RASGRF2: variants seen among roughly 807,000 people sequenced by gnomAD.
RASGRF2 encodes the protein ras-specific guanine nucleotide-releasing factor 2.
Under a neutral mutation model 151.0 loss-of-function variants are expected in RASGRF2, and 76 were observed. The observed-to-expected ratio is 0.50, with a 90% CI of 0.42 to 0.61. The LOEUF (loss-of-function observed/expected upper bound fraction) is 0.61. Ranked by LOEUF, RASGRF2 falls within the 20% of genes least tolerant of loss-of-function variation. The pLI is 0.00. For missense variants in RASGRF2, 1,148 were observed against 1,564.6 expected (o/e 0.73, Z 4.49); for synonymous variants, 504 against 566.5 (o/e 0.89, Z 1.57).
At chr5:81,142,971 T>C (rs1753919457) in intron 17 of RASGRF2, among the ~76,000 whole-genome samples, 1 of 152,058 alleles carries the variant, frequency 6.6e-6, no homozygotes, top group South Asian at 2.1e-4. Flanking sequence ...TGGCCTCCAG[T>C]GCATTTCTAG....
chr5:81,096,427 T>C (rs1752549966), intron 12 of RASGRF2: 2 of 152,248 alleles, frequency 1.3e-5, no homozygotes, highest in African/African-American at 2.4e-5. Context: ...GTACCAGGAA[T>C]ACGACCATGG....
chr5:81,201,056 C>T (rs1379208194), intron 18 of RASGRF2, among the ~76,000 whole-genome samples: 1 of 152,136 alleles, frequency 6.6e-6, no homozygotes, highest in African/African-American at 2.4e-5. Context: ...GGACCCTTCC[C>T]AATGGCTGTT....
intron 1 of RASGRF2, among the ~76,000 whole-genome samples, chr5:80,978,650 G>A (rs1479411031): frequency 2.0e-5 from 3 of 152,280 alleles, no homozygotes; most frequent in African/African-American, 7.2e-5. Context: ...AGCTGGGCGC[G>A]ATGGCGGGTG....
At position 81,225,838 on chromosome 5, in the gene RASGRF2, C is replaced by T; in HGVS notation, c.*68C>T. 5.2e-6 allele frequency: 8 copies of T among 1,540,368 alleles called. No individual in the cohort carries two copies. Among genetic ancestry groups the T allele is most frequent in the Non-Finnish European group, 6.2e-6 (7 of 1,135,404 alleles). On this transcript the variant is annotated 3_prime_UTR_variant, in exon 27 of 27. Transcript: ENST00000265080. Reference sequence around the variant, plus strand: ...GCAGGACAGACAGAATTGTGTATGCCTTGCCTATCACGGTACAGCACGAAG... The same window carrying T: ...GCAGGACAGACAGAATTGTGTATGCTTTGCCTATCACGGTACAGCACGAAG...
At chr5:81,123,000 T>C (rs1753349879) in intron 15 of RASGRF2, among the ~76,000 whole-genome samples, 2 of 152,198 alleles carry the variant, frequency 1.3e-5, no homozygotes, top group South Asian at 2.1e-4. Context: ...TCTGGGAGGA[T>C]AGAAATACTG....
At chr5:81,038,969 G>T (rs184209524) in intron 1 of RASGRF2, among the ~76,000 whole-genome samples, 1 of 152,016 alleles carries the variant, frequency 6.6e-6, no homozygotes, top group Admixed American at 6.6e-5. Context: ...GGTATCATTT[G>T]TTGTATAAAA....
Position 81,026,630 on chromosome 5 carries a change from A to G in RASGRF2, c.289-16247A>G, listed in dbSNP as rs568175547. On this transcript the variant is annotated intron_variant, in intron 1 of 26. Transcript: ENST00000265080. The stretch of plus-strand genomic sequence containing the variant: ...GAAATGGTAAAGTAACTGTTGGATA[A>G]GCCTGCAATTCCAGTCAACTTCATT... Among the ~76,000 whole-genome samples the G allele has an allele frequency of 3.3e-5, 5 of 152,326 alleles. No homozygotes were observed. In the South Asian group the frequency reaches 1.0e-3, roughly 32 times the overall value.
chr5:81,087,431 G>T, intron 9 of RASGRF2: 1 of 661,546 alleles, frequency 1.5e-6, no homozygotes, highest in South Asian at 1.6e-5. Context: ...GATATAATTT[G>T]ATTCAACTGG....
intron 17 of RASGRF2, among the ~76,000 whole-genome samples, chr5:81,175,057 A>G (rs1485362362): frequency 6.6e-6 from 1 of 152,236 alleles, no homozygotes; most frequent in Non-Finnish European, 1.5e-5. Flanking sequence ...TTAGAAATGG[A>G]CAGACCTGGG....
At chr5:81,010,730 C>G (rs1388252615) in intron 1 of RASGRF2, among the ~76,000 whole-genome samples, 1 of 152,172 alleles carries the variant, frequency 6.6e-6, no homozygotes, top group African/African-American at 2.4e-5. Context: ...TAAAAGTCTT[C>G]TTAGGGAAAG....
At chr5:81,145,483 G>A (rs145493132) in intron 17 of RASGRF2, among the ~76,000 whole-genome samples, 1 of 152,270 alleles carries the variant, frequency 6.6e-6, no homozygotes, top group East Asian at 1.9e-4. Flanking sequence ...TTTAGTGTGG[G>A]CTGGACTTAG....
At chr5:81,141,225 TA>T (rs1047361042) in intron 17 of RASGRF2, among the ~76,000 whole-genome samples, 1 of 152,200 alleles carries the variant, frequency 6.6e-6, no homozygotes, top group African/African-American at 2.4e-5. Flanking sequence ...ATATTAGCAG[TA>T]AACTCCTGAA....
intron 1 of RASGRF2, among the ~76,000 whole-genome samples, chr5:80,990,836 T>C (rs1260005919): frequency 6.6e-6 from 1 of 152,220 alleles, no homozygotes; most frequent in African/African-American, 2.4e-5. Context: ...GTGCTGACTG[T>C]TCTAGTACAT....
intron 12 of RASGRF2, among the ~76,000 whole-genome samples, chr5:81,102,064 A>G (rs1006914769): frequency 4.6e-5 from 7 of 152,228 alleles, no homozygotes; most frequent in African/African-American, 1.7e-4. Context: ...AAAAAATTTT[A>G]ATGCGTAGGT....
chr5:81,092,710 G>T (rs1752425363), intron 9 of RASGRF2, 91 bp from the exon 10 acceptor site: 1 of 1,225,668 alleles, frequency 8.2e-7, no homozygotes, highest in Non-Finnish European at 1.2e-6. Context: ...TGGTATTTTG[G>T]GAAACAGACC....
chr5:81,192,538 G>A (rs569166793), intron 18 of RASGRF2, among the ~76,000 whole-genome samples: 4 of 152,322 alleles, frequency 2.6e-5, no homozygotes, highest in African/African-American at 7.2e-5. Flanking sequence ...CCAAGGTGGC[G>A]CCGACGCAGG....
At chr5:81,119,313 G>T (rs153230) in intron 15 of RASGRF2, among the ~76,000 whole-genome samples, 47,036 of 152,102 alleles carry the variant, frequency 0.31, 7,565 homozygotes, top group Middle Eastern at 0.44. Context: ...GCTGGCATCT[G>T]GTGAGGGCCT....
chr5:81,154,672 A>G (rs1268681319), intron 17 of RASGRF2, among the ~76,000 whole-genome samples: 4 of 152,256 alleles, frequency 2.6e-5, no homozygotes, highest in Non-Finnish European at 5.9e-5. Context: ...TTAATAATAG[A>G]AATAAACTTG....
chr5:81,073,592 G>C (rs1238489511), intron 5 of RASGRF2, 140 bp downstream of exon 5: 3 of 806,138 alleles, frequency 3.7e-6, no homozygotes, highest in Non-Finnish European at 5.2e-6. Context: ...GCTATTACTT[G>C]TGTTCCATTG....
Sources: allele counts gnomAD v4.1 joint callset (sites outside exome capture counted in the v4.1 genomes callset), GRCh38; gene constraint gnomAD v4.1.1; transcripts MANE v1.5; gene names NCBI Gene and HGNC (gene_info 2026-07-23, HGNC 2026-07-21).